PCDH9: variants seen among roughly 807,000 people sequenced by gnomAD.
PCDH9 encodes protocadherin-9.
A neutral mutation model predicts 70.6 loss-of-function variants in PCDH9; 24 were observed. The observed-to-expected ratio is 0.34, with a 90% confidence interval of 0.25 to 0.48. The LOEUF (loss-of-function observed/expected upper bound fraction) is 0.48. Ranked by LOEUF, PCDH9 falls within the 20% of genes least tolerant of loss-of-function variation. The probability of loss-of-function intolerance (pLI) is 0.99; values close to 1 mark genes in which losing one functional copy is unlikely to be tolerated. For missense variants in PCDH9, 1,281 were observed against 1,503.6 expected (o/e 0.85, Z 2.45); for synonymous variants, 562 against 558.5 (o/e 1.01, Z -0.09).
intron 2 of PCDH9, among the ~76,000 whole-genome samples, chr13:67,178,155 T>A (rs2088515482): frequency 6.6e-6 from 1 of 152,106 alleles, no homozygotes; most frequent in Non-Finnish European, 1.5e-5. Context: ...TCTTGAATTC[T>A]TACTGCTCCC....
At position 66,859,998 on chromosome 13, in the gene PCDH9, G is replaced by T. The variant is rs531555221; in HGVS notation, c.3138+43506C>A. On this transcript the variant is annotated intron_variant, in intron 3 of 4. Transcript: ENST00000377865. ...GTATTTTTAGGTCGTTAGTCAGTCT[G>T]TTGCACTACAAGGTAGATTGGGTTA... 5.9e-5 allele frequency among the ~76,000 whole-genome samples: 9 copies of T among 152,278 alleles called. No individual in the cohort carries two copies. The South Asian group carries it at 1.9e-3, about 32-fold the overall frequency.
intron 3 of PCDH9, among the ~76,000 whole-genome samples, chr13:66,811,713 C>T (rs1038186810): frequency 6.7e-6 from 1 of 149,614 alleles, no homozygotes; most frequent in Non-Finnish European, 1.5e-5. Context: ...ACCTTCTTCA[C>T]CTTTCTTTCT....
intron 4 of PCDH9, among the ~76,000 whole-genome samples, chr13:66,545,766 T>C (rs985856814): frequency 1.7e-4 from 26 of 152,112 alleles, no homozygotes; most frequent in African/African-American, 5.8e-4. Flanking sequence ...ACTCTGTTAC[T>C]GGTTTATGTA....
chr13:66,403,193 G>A (rs1267155421), intron 4 of PCDH9, among the ~76,000 whole-genome samples: 1 of 151,828 alleles, frequency 6.6e-6, no homozygotes, highest in East Asian at 1.9e-4. Context: ...AGGCTGGAGT[G>A]CAGTGACACA....
chr13:66,911,091 G>A (rs1248448436), intron 2 of PCDH9, among the ~76,000 whole-genome samples: 8 of 152,184 alleles, frequency 5.3e-5, no homozygotes, highest in African/African-American at 1.9e-4. Flanking sequence ...TGAAAGTGGA[G>A]AGAAAGGCAA....
intron 3 of PCDH9, among the ~76,000 whole-genome samples, chr13:66,849,813 A>T (rs1023271956): frequency 1.3e-5 from 2 of 152,154 alleles, no homozygotes; most frequent in Non-Finnish European, 2.9e-5. Context: ...ATCACCCGTA[A>T]GTCTTCAAGA....
At chr13:67,178,014 G>A (rs1341922126) in intron 2 of PCDH9, among the ~76,000 whole-genome samples, 1 of 152,006 alleles carries the variant, frequency 6.6e-6, no homozygotes, top group Non-Finnish European at 1.5e-5. Context: ...CCCAAGCCTG[G>A]CATGGAAAAC....
At chr13:66,828,405 G>A (rs2080862014) in intron 3 of PCDH9, among the ~76,000 whole-genome samples, 2 of 151,900 alleles carry the variant, frequency 1.3e-5, no homozygotes, top group African/African-American at 4.8e-5. Context: ...TTACTGACAG[G>A]AATAACAAAT....
At chr13:66,518,163 T>A (rs368692965) in intron 4 of PCDH9, among the ~76,000 whole-genome samples, 1 of 152,046 alleles carries the variant, frequency 6.6e-6, no homozygotes, top group Non-Finnish European at 1.5e-5. Flanking sequence ...ACATGTCATA[T>A]GGCAAAAACA....
chr13:66,469,129 C>T (rs985133183), intron 4 of PCDH9, among the ~76,000 whole-genome samples: 3 of 152,158 alleles, frequency 2.0e-5, no homozygotes, highest in Middle Eastern at 3.4e-3. Context: ...CATTCTGAGA[C>T]TGAACTGTAT....
chr13:66,789,981 ATCTATCT>A (rs1298008817), intron 3 of PCDH9, among the ~76,000 whole-genome samples: 16 of 152,108 alleles, frequency 1.1e-4, no homozygotes, highest in African/African-American at 3.6e-4. Flanking sequence ...TTTCTAGGGC[ATCTATCT>A]TCTAATGCAA....
intron 3 of PCDH9, among the ~76,000 whole-genome samples, chr13:66,861,315 G>A (rs1400443966): frequency 1.3e-5 from 2 of 152,208 alleles, no homozygotes; most frequent in Non-Finnish European, 2.9e-5. Context: ...TTGGAAGGAA[G>A]CCTCCAAAAT....
intron 3 of PCDH9, among the ~76,000 whole-genome samples, chr13:66,834,713 A>G (rs2080986925): frequency 6.6e-6 from 1 of 152,190 alleles, no homozygotes; most frequent in South Asian, 2.1e-4. Context: ...CAGCTAGAAC[A>G]CTCTATGAAA....
chr13:66,821,443 A>C (rs1024367515), intron 3 of PCDH9, among the ~76,000 whole-genome samples: 15 of 152,182 alleles, frequency 9.9e-5, no homozygotes, highest in Non-Finnish European at 1.9e-4. Context: ...CCTCTGAGAC[A>C]TTCTGGGAAG....
intron 3 of PCDH9, among the ~76,000 whole-genome samples, chr13:66,880,392 G>A (rs1157891325): frequency 6.6e-6 from 1 of 152,098 alleles, no homozygotes; most frequent in Non-Finnish European, 1.5e-5. Context: ...GAATTGATGA[G>A]GGATGAGACA....
chr13:66,920,603 A>T (rs924735010), intron 2 of PCDH9, among the ~76,000 whole-genome samples: 1 of 151,196 alleles, frequency 6.6e-6, no homozygotes, highest in Non-Finnish European at 1.5e-5. Flanking sequence ...CTCACAATTC[A>T]TCATCTTTTC....
At chr13:66,649,433 CT>C (rs896737587) in intron 3 of PCDH9, among the ~76,000 whole-genome samples, 2 of 151,740 alleles carry the variant, frequency 1.3e-5, no homozygotes, top group African/African-American at 4.8e-5. Flanking sequence ...GAAAAAAAAA[CT>C]TTTATCCTAG....
intron 3 of PCDH9, among the ~76,000 whole-genome samples, chr13:66,828,477 T>C (rs1041654347): frequency 1.3e-5 from 2 of 152,198 alleles, no homozygotes; most frequent in African/African-American, 4.8e-5. Flanking sequence ...ATATCTCTCT[T>C]AATTGTGTCA....
chr13:67,086,305 T>C (rs1405072476), intron 2 of PCDH9, among the ~76,000 whole-genome samples: 1 of 152,196 alleles, frequency 6.6e-6, no homozygotes, highest in South Asian at 2.1e-4. Flanking sequence ...AAATTTCAGT[T>C]ACCATACTGT....
Sources: gnomAD v4.1 joint callset for allele counts (sites outside exome capture counted in the v4.1 genomes callset) on GRCh38, gnomAD v4.1.1 for gene constraint, MANE v1.5 for transcripts, NCBI Gene and HGNC (gene_info 2026-07-23, HGNC 2026-07-21) for gene names.